Variants in SLC4A10 observed in about 807,000 individuals in gnomAD.
The protein encoded by SLC4A10 is sodium-driven chloride bicarbonate exchanger.
A neutral mutation model predicts 137.7 loss-of-function variants in SLC4A10; 42 were observed. The observed-to-expected ratio is 0.30, with a 90% confidence interval of 0.24 to 0.39. SLC4A10 has a LOEUF of 0.39. Among genes scored for constraint, SLC4A10 ranks in the 10% least tolerant of loss-of-function variants. SLC4A10 has a pLI of 1.00. For missense variants in SLC4A10, 925 were observed against 1,355.0 expected (o/e 0.68, Z 4.98); for synonymous variants, 474 against 464.1 (o/e 1.02, Z -0.27).
chr2:161,965,288 A>G (rs1697388402), intron 23 of SLC4A10, 115 bp downstream of exon 23: 1 of 1,011,940 alleles, frequency 9.9e-7, no homozygotes, highest in Non-Finnish European at 1.4e-6. Flanking sequence ...GACAGTGATC[A>G]CTAACAACCA....
At chr2:161,696,303 A>T (rs149460769) in intron 1 of SLC4A10, among the ~76,000 whole-genome samples, 1 of 148,748 alleles carries the variant, frequency 6.7e-6, no homozygotes. Context: ...TTCTTTTTTT[A>T]AAAATTTTAT....
chr2:161,919,656 C>T (rs1000409708), intron 15 of SLC4A10, among the ~76,000 whole-genome samples: 4 of 152,156 alleles, frequency 2.6e-5, no homozygotes, highest in South Asian at 2.1e-4. Context: ...AATAAAGCCC[C>T]TCTTCATCTT....
intron 1 of SLC4A10, among the ~76,000 whole-genome samples, chr2:161,747,336 G>A (rs552120747): frequency 6.6e-6 from 1 of 152,180 alleles, no homozygotes; most frequent in African/African-American, 2.4e-5. Context: ...GCTGTGACAG[G>A]GCAGCACTGT....
chr2:161,820,590 G>C (rs1201252215), intron 3 of SLC4A10, among the ~76,000 whole-genome samples: 4 of 152,096 alleles, frequency 2.6e-5, no homozygotes, highest in African/African-American at 7.2e-5. Context: ...TTCTGTTTAT[G>C]GAATTCACCA....
At chr2:161,905,590 CA>C in intron 14 of SLC4A10, 51 bp from the exon 15 acceptor site, 1 of 1,527,630 alleles carries the variant, frequency 6.5e-7, no homozygotes, top group Non-Finnish European at 8.8e-7. Context: ...AAAATGATAG[CA>C]AGCTGTTAAA....
chr2:161,773,698 G>T lies in SLC4A10; in HGVS notation c.130+2644G>T, dbSNP rs116958592. On this transcript the variant is annotated intron_variant, in intron 2 of 26. Transcript: ENST00000446997. The stretch of plus-strand genomic sequence containing the variant: ...AGGTGCAATATATTTAATGGGAAAT[G>T]ATCCCCTGCTCAATAACAACAGGTT... Among the ~76,000 whole-genome samples the T allele has an allele frequency of 9.2e-4, 139 of 151,854 alleles. 1 individual carries two copies. The East Asian group carries it at 0.02, about 22-fold the overall frequency.
chr2:161,660,572 CTTT>C (rs2038173913), intron 1 of SLC4A10, among the ~76,000 whole-genome samples: 1 of 120,034 alleles, frequency 8.3e-6, no homozygotes, highest in Non-Finnish European at 1.9e-5. Flanking sequence ...TTCTTTCTTT[CTTT>C]CTTTCTTTCT....
chr2:161,847,844 A>T (rs189544281), intron 4 of SLC4A10, among the ~76,000 whole-genome samples: 62 of 152,302 alleles, frequency 4.1e-4, no homozygotes, highest in African/African-American at 1.4e-3. Context: ...ATACATGTGC[A>T]TGTGTCTCTA....
At chr2:161,955,946 G>A (rs1300429880) in intron 19 of SLC4A10, among the ~76,000 whole-genome samples, 1 of 151,912 alleles carries the variant, frequency 6.6e-6, no homozygotes, top group Non-Finnish European at 1.5e-5. Context: ...TTTCAAAAAA[G>A]TCAATTTGTA....
chr2:161,692,651 A>G (rs987219114), intron 1 of SLC4A10, among the ~76,000 whole-genome samples: 3 of 152,108 alleles, frequency 2.0e-5, no homozygotes, highest in African/African-American at 7.2e-5. Flanking sequence ...GACAGCATGG[A>G]TAAAGGCAGG....
intron 4 of SLC4A10, among the ~76,000 whole-genome samples, chr2:161,846,355 C>A (rs1034966740): frequency 6.6e-6 from 1 of 152,164 alleles, no homozygotes; most frequent in African/African-American, 2.4e-5. Flanking sequence ...AAAACTAGAT[C>A]TTTCATACAT....
At chr2:161,948,092 C>T (rs960656975) in intron 17 of SLC4A10, among the ~76,000 whole-genome samples, 1 of 152,052 alleles carries the variant, frequency 6.6e-6, no homozygotes, top group African/African-American at 2.4e-5. Flanking sequence ...GGGGAAGCCC[C>T]GGCAAGACTC....
At chr2:161,848,619 A>T (rs1020029784) in intron 4 of SLC4A10, among the ~76,000 whole-genome samples, 2 of 152,180 alleles carry the variant, frequency 1.3e-5, no homozygotes, top group African/African-American at 2.4e-5. Flanking sequence ...TTATCCCAGC[A>T]GCATTTATTG....
At chr2:161,921,100 G>C (rs765211229) in intron 15 of SLC4A10, among the ~76,000 whole-genome samples, 1 of 152,198 alleles carries the variant, frequency 6.6e-6, no homozygotes, top group Non-Finnish European at 1.5e-5. Context: ...CCTAAGAGAA[G>C]AAGTAACAGA....
intron 15 of SLC4A10, among the ~76,000 whole-genome samples, chr2:161,924,334 G>T (rs558271875): frequency 6.6e-6 from 1 of 152,176 alleles, no homozygotes; most frequent in African/African-American, 2.4e-5. Context: ...GTAGTCAGAA[G>T]TCTTCTTTGA....
chr2:161,717,592 G>A (rs1396485516), intron 1 of SLC4A10, among the ~76,000 whole-genome samples: 6 of 152,066 alleles, frequency 3.9e-5, no homozygotes, highest in African/African-American at 1.4e-4. Flanking sequence ...GGTGAATTAT[G>A]TATATTGATT....
chr2:161,895,366 T>C (rs933953179), intron 11 of SLC4A10, among the ~76,000 whole-genome samples: 2 of 152,182 alleles, frequency 1.3e-5, no homozygotes, highest in African/African-American at 4.8e-5. Flanking sequence ...AGTGCCGCAA[T>C]AAACATACAT....
intron 23 of SLC4A10, among the ~76,000 whole-genome samples, chr2:161,971,326 G>A (rs1273546413): frequency 6.6e-6 from 1 of 152,000 alleles, no homozygotes; most frequent in Non-Finnish European, 1.5e-5. Context: ...AAACTGCTTT[G>A]GCTGTCTTAA....
intron 4 of SLC4A10, among the ~76,000 whole-genome samples, chr2:161,847,132 A>T (rs1228344856): frequency 6.6e-6 from 1 of 151,560 alleles, no homozygotes; most frequent in African/African-American, 2.4e-5. Context: ...AGTCCCAGCT[A>T]CTTGGAAGGC....
Sources: allele counts gnomAD v4.1 joint callset (sites outside exome capture counted in the v4.1 genomes callset), GRCh38; gene constraint gnomAD v4.1.1; transcripts MANE v1.5; gene names NCBI Gene and HGNC (gene_info 2026-07-23, HGNC 2026-07-21).